The following SCAF4 variants were observed in gnomAD, a reference collection of about 807,000 sequenced individuals.
SCAF4 encodes the protein SR-related CTD associated factor 4.
SCAF4 carries 25 observed loss-of-function variants against 129.8 expected under a neutral mutation model. The ratio of observed to expected loss-of-function variants is 0.19; its 90% CI spans 0.14 to 0.27. The LOEUF (loss-of-function observed/expected upper bound fraction) is 0.27, where lower values mean the gene tolerates loss of function less well. SCAF4 is among the 10% of genes least tolerant of loss of function. The pLI is 1.00. For missense variants in SCAF4, 1,246 were observed against 1,457.1 expected (o/e 0.86, Z 2.36); for synonymous variants, 551 against 497.7 (o/e 1.11, Z -1.43).
chr21:31,682,605 C>T (rs189653683), intron 19 of SCAF4, among the ~76,000 whole-genome samples: 41 of 152,270 alleles, frequency 2.7e-4, no homozygotes, highest in African/African-American at 8.9e-4. Flanking sequence ...ATTAAATCAT[C>T]GTGACACCAT....
chr21:31,720,522 G>A (rs1568864640), intron 1 of SCAF4, among the ~76,000 whole-genome samples: 1 of 152,122 alleles, frequency 6.6e-6, no homozygotes, highest in Non-Finnish European at 1.5e-5. Flanking sequence ...ATTAGATAAG[G>A]ACTCACTGCT....
intron 7 of SCAF4, chr21:31,700,644 T>C (rs948032222): frequency 3.6e-6 from 1 of 281,246 alleles, no homozygotes; most frequent in African/African-American, 2.3e-5. Context: ...CTGTAGGAAA[T>C]TAATTCTGAA....
At chr21:31,704,727 T>C (rs1210116780) in intron 3 of SCAF4, among the ~76,000 whole-genome samples, 1 of 152,194 alleles carries the variant, frequency 6.6e-6, no homozygotes, top group Non-Finnish European at 1.5e-5. Context: ...TTAATAAATA[T>C]TGCAGTTAAT....
At chr21:31,715,009 T>C (rs927499809) in intron 1 of SCAF4, among the ~76,000 whole-genome samples, 5 of 152,256 alleles carry the variant, frequency 3.3e-5, no homozygotes, top group African/African-American at 1.2e-4. Context: ...GCACTGTGAA[T>C]TGGCTTTTGT....
chr21:31,724,168 T>C (rs903706169), intron 1 of SCAF4, among the ~76,000 whole-genome samples: 1 of 152,182 alleles, frequency 6.6e-6, no homozygotes, highest in Non-Finnish European at 1.5e-5. Flanking sequence ...TAATAAATTA[T>C]AATATTGTTT....
chr21:31,728,285 G>C (rs1206758899), intron 1 of SCAF4, among the ~76,000 whole-genome samples: 1 of 152,100 alleles, frequency 6.6e-6, no homozygotes, highest in Non-Finnish European at 1.5e-5. Context: ...CTAGTACATT[G>C]TTAACTGCCC....
At chr21:31,689,957 A>G (rs1205803809) in intron 15 of SCAF4, among the ~76,000 whole-genome samples, 1 of 151,700 alleles carries the variant, frequency 6.6e-6, no homozygotes, top group Non-Finnish European at 1.5e-5. Context: ...AAACAACAAA[A>G]AACATTCTAT....
chr21:31,677,990 T>A (rs1322684582), intron 19 of SCAF4, among the ~76,000 whole-genome samples: 4 of 151,746 alleles, frequency 2.6e-5, no homozygotes, highest in Non-Finnish European at 5.9e-5. Context: ...TCTCACAGCA[T>A]CATATTCTTA....
intron 19 of SCAF4, among the ~76,000 whole-genome samples, chr21:31,679,083 G>T (rs1330408263): frequency 6.6e-6 from 1 of 152,188 alleles, no homozygotes; most frequent in Non-Finnish European, 1.5e-5. Context: ...CAAGCTCCAG[G>T]TCTTTTCCCA....
chr21:31,699,701 A>C (rs1258703475), intron 7 of SCAF4, among the ~76,000 whole-genome samples: 2 of 152,198 alleles, frequency 1.3e-5, no homozygotes, highest in African/African-American at 4.8e-5. Flanking sequence ...CAGATATTTT[A>C]AAGATGATGA....
At chr21:31,729,984 CTT>C (rs1235530764) in intron 1 of SCAF4, among the ~76,000 whole-genome samples, 1 of 152,248 alleles carries the variant, frequency 6.6e-6, no homozygotes, top group Non-Finnish European at 1.5e-5. Flanking sequence ...TAAAAATCCT[CTT>C]CTTTCATCAA....
At chr21:31,716,925 C>CA (rs377191283) in intron 1 of SCAF4, among the ~76,000 whole-genome samples, 2 of 152,184 alleles carry the variant, frequency 1.3e-5, no homozygotes, top group African/African-American at 4.8e-5. Context: ...TACATACACA[C>CA]AGTAAGAGGT....
At chr21:31,700,584 C>CA (rs2050501161) in intron 7 of SCAF4, among the ~76,000 whole-genome samples, 1 of 152,038 alleles carries the variant, frequency 6.6e-6, no homozygotes, top group South Asian at 2.1e-4. Context: ...AGAGTATTAA[C>CA]ACCAAAACAA....
At chr21:31,717,903 A>G (rs2050971113) in intron 1 of SCAF4, among the ~76,000 whole-genome samples, 2 of 66,534 alleles carry the variant, frequency 3.0e-5, no homozygotes, top group African/African-American at 6.1e-5. Flanking sequence ...ATACACATAT[A>G]TACACACACA....
chr21:31,710,347 G>C (rs937594313), intron 1 of SCAF4, among the ~76,000 whole-genome samples: 1 of 151,990 alleles, frequency 6.6e-6, no homozygotes, highest in Non-Finnish European at 1.5e-5. Flanking sequence ...TCAGGAGTTC[G>C]AGACCGGCCT....
intron 1 of SCAF4, among the ~76,000 whole-genome samples, chr21:31,717,902 TATACACACACACACACAC>T (rs1324005835): frequency 6.3e-5 from 6 of 95,548 alleles, no homozygotes; most frequent in South Asian, 3.5e-4. Context: ...TATACACATA[TATACACACACACACACAC>T]ACACACACAC....
chr21:31,701,005 G>C lies in SCAF4; in HGVS notation c.767C>G (p.Ala256Gly). ...AAFPPPEQKT[A>G]FDKKLLDRFD... The stretch of plus-strand genomic sequence containing the variant: ...GTGAGAGAAATATACCTTGTCAAAT[G>C]CAGTTTTCTGTTCAGGTGGGGGGAA... The change falls in exon 7 of 20, where the codon GCA (alanine) becomes GGA (glycine). Residue 256 changes from alanine (A) to glycine (G), a missense_variant. Transcript: ENST00000286835. The C allele has an allele frequency of 6.2e-7, 1 of 1,614,056 alleles. No homozygotes were observed. Among genetic ancestry groups the C allele is most frequent in the South Asian group, 1.1e-5 (1 of 91,082 alleles).
At chr21:31,727,000 T>G (rs1299771308) in intron 1 of SCAF4, among the ~76,000 whole-genome samples, 1 of 152,156 alleles carries the variant, frequency 6.6e-6, no homozygotes, top group African/African-American at 2.4e-5. Flanking sequence ...GACTTTATAT[T>G]TTATTTGTAA....
rs112264955 is a variant in SCAF4 at position 31,704,192 on chromosome 21, G to A, written c.160-266C>T. Among the ~76,000 whole-genome samples the A allele has an allele frequency of 4.1e-3, 618 of 151,694 alleles. 4 individuals carry two copies. The highest frequency in any genetic ancestry group is 0.014 in the African/African-American group (583 of 41,388). On this transcript the variant is annotated intron_variant, in intron 3 of 19. Transcript: ENST00000286835. ...TCCCTACACCCAATGTCCCAAAATC[G>A]ACATTACTTTACCAATCCTTAAGCC...
Sources: gnomAD v4.1 joint callset for allele counts (sites outside exome capture counted in the v4.1 genomes callset) on GRCh38, gnomAD v4.1.1 for gene constraint, MANE v1.5 for transcripts, NCBI Gene and HGNC (gene_info 2026-07-23, HGNC 2026-07-21) for gene names.